Variants in ROR2 observed in about 807,000 individuals in gnomAD.
The protein encoded by ROR2 is tyrosine-protein kinase transmembrane receptor ROR2.
Under a neutral mutation model 74.9 loss-of-function variants are expected in ROR2, and 33 were observed. The observed-to-expected ratio is 0.44, with a 90% CI of 0.33 to 0.59. The LOEUF is 0.59. ROR2 is among the 20% of genes least tolerant of loss of function. ROR2 has a pLI of 0.02. For missense variants in ROR2, 1,216 were observed against 1,313.8 expected, an observed-to-expected ratio of 0.93 and a Z score of 1.15; for synonymous variants, 586 against 558.7, an observed-to-expected ratio of 1.05 and a Z score of -0.69.
At chr9:91,917,134 T>C (rs1179703129) in intron 1 of ROR2, among the ~76,000 whole-genome samples, 1 of 152,170 alleles carries the variant, frequency 6.6e-6, no homozygotes, top group Non-Finnish European at 1.5e-5. Context: ...TTAAACAATT[T>C]AAGAGCAATG....
chr9:91,821,931 A>G (rs1403172289), intron 1 of ROR2, among the ~76,000 whole-genome samples: 1 of 152,186 alleles, frequency 6.6e-6, no homozygotes, highest in Non-Finnish European at 1.5e-5. Flanking sequence ...TGCTGAATGT[A>G]TGTTTAGTGA....
chr9:91,854,793 T>C (rs1180195448), intron 1 of ROR2, among the ~76,000 whole-genome samples: 1 of 152,206 alleles, frequency 6.6e-6, no homozygotes, highest in Non-Finnish European at 1.5e-5. Context: ...CCTCACTGCT[T>C]TGCCTCTCGT....
At chr9:91,774,387 T>C (rs904986851) in intron 2 of ROR2, among the ~76,000 whole-genome samples, 1 of 152,224 alleles carries the variant, frequency 6.6e-6, no homozygotes, top group African/African-American at 2.4e-5. Context: ...TGGCAGTTGA[T>C]TGTTATGGAC....
chr9:91,798,590 CTGACACCCTGGGCTCTGTGGGTGGGGAA>C (rs1827266676), intron 1 of ROR2, among the ~76,000 whole-genome samples: 1 of 132,386 alleles, frequency 7.6e-6, no homozygotes, highest in Non-Finnish European at 1.6e-5. Context: ...GTGAGTGGAG[CTGACACCCTGGGCTCTGTGGGTGGGGAA>C]TGACACCCTG....
At chr9:91,841,368 C>A (rs979432810) in intron 1 of ROR2, among the ~76,000 whole-genome samples, 4 of 152,240 alleles carry the variant, frequency 2.6e-5, no homozygotes, top group Non-Finnish European at 5.9e-5. Flanking sequence ...AAATGCTCCT[C>A]TACCAATTCA....
intron 1 of ROR2, among the ~76,000 whole-genome samples, chr9:91,781,268 C>A (rs185964599): frequency 6.6e-6 from 1 of 152,178 alleles, no homozygotes; most frequent in African/African-American, 2.4e-5. Flanking sequence ...AAACCAGACA[C>A]CCCCTGAATG....
chr9:91,724,724 G>A lies in ROR2; in HGVS notation c.1770C>T (p.Pro590=), dbSNP rs372398011. Residue 590 remains proline, a synonymous_variant, in exon 9 of 9, where the codon CCC becomes CCT. Coordinates refer to ENST00000375708, the MANE Select transcript of ROR2 (RefSeq NM_004560.4). ...DRTVKSALEP[P]DFVHLVAQIA... is the part of the protein sequence containing the mutation. ...TCTGTGCCACAAGGTGCACGAAGTC[G>A]GGGGGCTCCAGGGCGGACTTCACCG... is the stretch of plus-strand genomic sequence containing the variant. 5.9e-5 allele frequency: 95 copies of A among 1,613,990 alleles called. No individual in the cohort carries two copies. Among genetic ancestry groups the A allele is most frequent in the South Asian group, 3.3e-4 (30 of 91,078 alleles).
rs201083970 is a variant in ROR2, at chr9:91,733,112, G to A, written c.937+10C>T. On this transcript the variant is annotated intron_variant, in intron 6 of 8. Coordinates refer to ENST00000375708, the MANE Select transcript of ROR2 (RefSeq NM_004560.4). The surrounding 1 kb of genome is among the most constrained non-coding windows in gnomAD (Gnocchi z 5.7). ...CCCCCCGGTCCCGCCCCGGGCCCTC[G>A]GGCACTCACAGCGGCCCAGCCTCTC... is the stretch of plus-strand genomic sequence containing the variant. The A allele has an allele frequency of 4.4e-3, 6,902 of 1,584,986 alleles. 27 individuals are homozygous for A. The highest frequency in any genetic ancestry group is 5.0e-3 in the Non-Finnish European group (5,865 of 1,168,142).
chr9:91,908,788 G>C (rs898868095), intron 1 of ROR2, among the ~76,000 whole-genome samples: 7 of 152,150 alleles, frequency 4.6e-5, no homozygotes, highest in African/African-American at 9.7e-5. Flanking sequence ...ACAGCACTAA[G>C]ATTTCAAGCG....
At chr9:91,855,388 G>T (rs141898662) in intron 1 of ROR2, among the ~76,000 whole-genome samples, 2 of 152,242 alleles carry the variant, frequency 1.3e-5, no homozygotes, top group African/African-American at 4.8e-5. Flanking sequence ...ATCAGGGCAC[G>T]GCGTTCGGCC....
At chr9:91,736,099 G>T (rs1271909956) in intron 5 of ROR2, among the ~76,000 whole-genome samples, 1 of 152,164 alleles carries the variant, frequency 6.6e-6, no homozygotes, top group Non-Finnish European at 1.5e-5. Flanking sequence ...CCTTTGAGAA[G>T]TCCTACTTTA....
intron 1 of ROR2, among the ~76,000 whole-genome samples, chr9:91,917,387 G>A (rs1424918201): frequency 6.6e-6 from 1 of 152,188 alleles, no homozygotes; most frequent in East Asian, 1.9e-4. Flanking sequence ...GAGTTCATGG[G>A]GAAGTACGAT....
intron 6 of ROR2, among the ~76,000 whole-genome samples, chr9:91,731,406 G>A (rs575246416): frequency 2.6e-5 from 4 of 152,238 alleles, no homozygotes; most frequent in South Asian, 4.2e-4. Flanking sequence ...TGGGACCCAC[G>A]AGGCACCTGC....
intron 1 of ROR2, among the ~76,000 whole-genome samples, chr9:91,811,310 C>T (rs891107898): frequency 2.0e-5 from 3 of 152,222 alleles, no homozygotes; most frequent in Non-Finnish European, 4.4e-5. Context: ...GCAGGGCCCA[C>T]ATGGGGACAT....
At chr9:91,884,743 G>A (rs1238260700) in intron 1 of ROR2, among the ~76,000 whole-genome samples, 1 of 151,510 alleles carries the variant, frequency 6.6e-6, no homozygotes, top group East Asian at 1.9e-4. Context: ...ACCATAACAT[G>A]TCTCCATTTC....
intron 1 of ROR2, among the ~76,000 whole-genome samples, chr9:91,777,583 A>G (rs983254187): frequency 1.3e-5 from 2 of 152,106 alleles, no homozygotes; most frequent in African/African-American, 4.8e-5. Flanking sequence ...AAAGTGTGCA[A>G]TTGAGTGGTT....
intron 4 of ROR2, among the ~76,000 whole-genome samples, chr9:91,748,069 C>T (rs1416953917): frequency 6.6e-6 from 1 of 152,152 alleles, no homozygotes; most frequent in Non-Finnish European, 1.5e-5. Flanking sequence ...CGAGATCAGC[C>T]TGGCCAATAT....
chr9:91,802,538 G>C (rs1416786751), intron 1 of ROR2, among the ~76,000 whole-genome samples: 1 of 152,052 alleles, frequency 6.6e-6, no homozygotes, highest in African/African-American at 2.4e-5. Context: ...ATTGTCTCTG[G>C]GCAGCAGTTT....
intron 1 of ROR2, among the ~76,000 whole-genome samples, chr9:91,898,770 T>C (rs1370543066): frequency 3.9e-5 from 6 of 152,214 alleles, no homozygotes; most frequent in Non-Finnish European, 7.3e-5. Context: ...GTCACAAGGC[T>C]GACTCCAGCC....
Sources: gnomAD v4.1 joint callset for allele counts (sites outside exome capture counted in the v4.1 genomes callset) on GRCh38, gnomAD v4.1.1 for gene constraint, Gnocchi (gnomAD v3.1) non-coding constraint, MANE v1.5 for transcripts, NCBI Gene and HGNC (gene_info 2026-07-23, HGNC 2026-07-21) for gene names.